The following MAP4 variants were observed in gnomAD, a reference collection of about 807,000 sequenced individuals.
The protein encoded by MAP4 is microtubule-associated protein 4.
In MAP4, 76 loss-of-function variants were observed where a neutral mutation model predicts 170.2. That is an observed-to-expected ratio of 0.45 (90% CI 0.37 to 0.54). The LOEUF (loss-of-function observed/expected upper bound fraction) is 0.54, where lower values mean the gene tolerates loss of function less well. Ranked by LOEUF, MAP4 falls within the 20% of genes least tolerant of loss-of-function variation. The pLI, the probability that MAP4 is intolerant of heterozygous loss-of-function variation, is 0.00. For synonymous variants in MAP4, 909 were observed against 994.5 expected (o/e 0.91, Z 1.62); for missense variants, 2,506 against 2,748.0 (o/e 0.91, Z 1.97).
intron 1 of MAP4, among the ~76,000 whole-genome samples, chr3:48,057,641 A>G (rs1234042260): frequency 7.2e-5 from 10 of 138,940 alleles, no homozygotes; most frequent in Admixed American, 6.9e-4. Flanking sequence ...AAAAAAGAAA[A>G]AAAAGAAAAA....
chr3:48,021,611 G>A (rs1309459289), intron 1 of MAP4, among the ~76,000 whole-genome samples: 1 of 152,188 alleles, frequency 6.6e-6, no homozygotes, highest in Non-Finnish European at 1.5e-5. Flanking sequence ...CTCCTAAAGT[G>A]TTGGGATTAC....
Position 47,911,707 on chromosome 3 carries a change from G to A in MAP4, c.2714C>T (p.Pro905Leu). The A allele has an allele frequency of 7.8e-6, 12 of 1,536,126 alleles. No homozygotes were observed. The highest frequency in any genetic ancestry group is 1.0e-5 in the Non-Finnish European group (12 of 1,146,900). The change falls in exon 9 of 21, where the codon CCT becomes CTT. Residue 905 changes from proline to leucine, a missense_variant. Pro to Leu is a moderately conservative substitution (Grantham distance 98). Around this residue, in one of 3 missense-constraint regions of MAP4, gnomAD observed 2,008 missense variants for 2,206.0 expected, o/e 0.91. Transcript: ENST00000683076. This position sits in a 1 kb window ranked among gnomAD's most constrained non-coding sequence, Gnocchi z 4.0. ...TACAGGAGTCTTCAGGTGGGGTGCA[G>A]GCTGTGGTTTGTATTCATGTTGCTT... ...LLKQHEYKPQ[P>L]APHLKTPVDK...
intron 10 of MAP4, among the ~76,000 whole-genome samples, chr3:47,896,627 TAAC>T (rs1362855752): frequency 2.0e-5 from 3 of 152,066 alleles, no homozygotes; most frequent in South Asian, 2.1e-4. Context: ...GTAGTAATAA[TAAC>T]AACAACAACA....
At chr3:48,080,188 C>T (rs898647737) in intron 1 of MAP4, among the ~76,000 whole-genome samples, 1 of 152,150 alleles carries the variant, frequency 6.6e-6, no homozygotes. Flanking sequence ...GGAGGCAGAT[C>T]TACAATCATT....
intron 1 of MAP4, among the ~76,000 whole-genome samples, chr3:48,014,420 G>A (rs1246432476): frequency 6.6e-6 from 1 of 152,126 alleles, no homozygotes; most frequent in East Asian, 1.9e-4. Context: ...GCTACTATGG[G>A]AGCTAAAATG....
intron 10 of MAP4, among the ~76,000 whole-genome samples, chr3:47,889,960 G>T (rs932057589): frequency 7.4e-5 from 11 of 149,506 alleles, no homozygotes; most frequent in Non-Finnish European, 1.5e-4. Context: ...CAAAACATCT[G>T]TATGTCTTCT....
intron 3 of MAP4, among the ~76,000 whole-genome samples, chr3:47,972,879 C>T (rs1385133515): frequency 6.6e-6 from 1 of 151,072 alleles, no homozygotes; most frequent in Non-Finnish European, 1.5e-5. Context: ...GAGCGAGACT[C>T]CGTCTCAAAA....
rs141070760 is a variant in MAP4 at position 47,981,363 on chromosome 3, T to C, written c.224-3430A>G. On this transcript the variant is annotated intron_variant, in intron 2 of 20. Coordinates refer to ENST00000683076, the MANE Select transcript of MAP4 (RefSeq NM_001385682.1). ...TGAGTCCAGGAATTTGAGACCAGCCTGGGCAACATAGTGTGACCCCATCTC... is the reference window on the plus strand; with the variant it reads ...TGAGTCCAGGAATTTGAGACCAGCCCGGGCAACATAGTGTGACCCCATCTC... Among the ~76,000 whole-genome samples, 5 of 152,152 alleles carry C rather than the reference T, an allele frequency of 3.3e-5. No individual in the cohort carries two copies. The East Asian group carries it at 9.6e-4, about 29-fold the overall frequency.
At chr3:47,954,502 A>G (rs2100066511) in intron 3 of MAP4, among the ~76,000 whole-genome samples, 2 of 152,174 alleles carry the variant, frequency 1.3e-5, no homozygotes, top group Non-Finnish European at 2.9e-5. Context: ...CTGACTAGAA[A>G]AGTTTTGACC....
At chr3:47,947,399 C>T (rs2100060781) in intron 3 of MAP4, among the ~76,000 whole-genome samples, 1 of 152,138 alleles carries the variant, frequency 6.6e-6, no homozygotes, top group African/African-American at 2.4e-5. Flanking sequence ...TGATTTTAAT[C>T]CCTGGTCCTC....
intron 1 of MAP4, among the ~76,000 whole-genome samples, chr3:48,062,231 G>A (rs956348465): frequency 6.6e-6 from 1 of 152,094 alleles, no homozygotes; most frequent in African/African-American, 2.4e-5. Context: ...CATGTGCTGT[G>A]TCCACTCAGG....
intron 3 of MAP4, among the ~76,000 whole-genome samples, chr3:47,962,581 C>A (rs1283059256): frequency 2.0e-5 from 3 of 152,284 alleles, no homozygotes; most frequent in African/African-American, 7.2e-5. Context: ...ATAGTAAATT[C>A]TCTGTTCAAT....
chr3:47,964,334 G>T (rs1317317558), intron 3 of MAP4, among the ~76,000 whole-genome samples: 1 of 152,222 alleles, frequency 6.6e-6, no homozygotes, highest in African/African-American at 2.4e-5. Context: ...GAGCAGTGGA[G>T]GTGGTGAGAT....
intron 1 of MAP4, among the ~76,000 whole-genome samples, chr3:48,023,651 CT>C (rs2100111649): frequency 6.6e-6 from 1 of 152,202 alleles, no homozygotes; most frequent in African/African-American, 2.4e-5. Flanking sequence ...GGCTGCTAGA[CT>C]GAACATGGTA....
intron 1 of MAP4, among the ~76,000 whole-genome samples, chr3:48,067,380 T>C (rs919409468): frequency 6.6e-6 from 1 of 152,146 alleles, no homozygotes; most frequent in African/African-American, 2.4e-5. Flanking sequence ...CCAAGCTGGA[T>C]TGCAGTGGTG....
chr3:47,910,513 TC>T lies in MAP4; in HGVS notation c.3907del (p.Glu1303LysfsTer4), dbSNP rs1246739810. 3.9e-6 allele frequency: 6 copies of T among 1,535,960 alleles called. No homozygotes were observed. The East Asian group carries it at 9.8e-5, about 25-fold the overall frequency. ...VNFVELGTLGENKISTVKAST... is the reference protein window; with the variant it reads ...VNFVELGTLGXNKISTVKAST... ...AGCCTTGACTGTGCTTATCTTGTTT[TC>T]CCCAAGAGTCCCAAGCTCAACAAAA... On this transcript the variant is annotated frameshift_variant, in exon 9 of 21. Transcript: ENST00000683076. LOFTEE classifies it high-confidence loss of function.
chr3:47,891,657 A>G (rs777487819), intron 10 of MAP4: 7 of 1,536,076 alleles, frequency 4.6e-6, no homozygotes, highest in Non-Finnish European at 6.1e-6. Flanking sequence ...GTAGAACTCA[A>G]TTTCTCCAAC....
At chr3:48,075,125 A>C (rs1232256257) in intron 1 of MAP4, among the ~76,000 whole-genome samples, 3 of 152,232 alleles carry the variant, frequency 2.0e-5, no homozygotes, top group African/African-American at 7.2e-5. Flanking sequence ...TACATTAATC[A>C]AGACAGCATA....
rs2100083091 is a variant in MAP4, at chr3:47,977,854, G to C, written c.292+11C>G. 1.9e-6 allele frequency: 3 copies of C among 1,599,214 alleles called. No individual in the cohort carries two copies. The highest frequency in any genetic ancestry group is 2.6e-6 in the Non-Finnish European group (3 of 1,167,328). The stretch of plus-strand genomic sequence containing the variant: ...CACCTACACATTTGGGGAATCCTGG[G>C]AATCACTTACCTGTAGTATCGCTCC... On this transcript the variant is annotated intron_variant, in intron 3 of 20. Transcript: ENST00000683076.
Sources: gnomAD v4.1 joint callset for allele counts (sites outside exome capture counted in the v4.1 genomes callset) on GRCh38, gnomAD v4.1.1 for gene constraint, gnomAD v4.1.1 regional missense constraint, Gnocchi (gnomAD v3.1) non-coding constraint, MANE v1.5 for transcripts, NCBI Gene and HGNC (gene_info 2026-07-23, HGNC 2026-07-21) for gene names.